The following DENND1B variants were observed in gnomAD, a reference collection of about 807,000 sequenced individuals.
DENND1B encodes DENN domain-containing protein 1B.
In DENND1B, 59 loss-of-function variants were observed where a neutral mutation model predicts 90.1. The ratio of observed to expected loss-of-function variants is 0.65; its 90% CI spans 0.53 to 0.81. DENND1B has a LOEUF of 0.81. DENND1B is among the 40% of genes least tolerant of loss of function. The pLI is 0.00. For synonymous variants in DENND1B, 337 were observed against 324.6 expected, an observed-to-expected ratio of 1.04 and a Z score of -0.41; for missense variants, 862 against 912.6, an observed-to-expected ratio of 0.94 and a Z score of 0.71.
chr1:197,568,526 G>C (rs1672881821), intron 15 of DENND1B, among the ~76,000 whole-genome samples: 1 of 151,960 alleles, frequency 6.6e-6, no homozygotes, highest in Non-Finnish European at 1.5e-5. Context: ...AACCACAAAA[G>C]ACCTCAAATA....
rs370344623 is a variant in DENND1B, at chr1:197,595,290, G to A, written c.965C>T (p.Thr322Met). ...KNKLKKQSTATGDGVARAFLR... is the reference protein window; with the variant it reads ...KNKLKKQSTAMGDGVARAFLR... Reference sequence around the variant, plus strand: ...AAAGGCCCTAGCTACTCCATCACCCGTAGCTGTAGACTGCTTCTTCAGTTT... The same window carrying A: ...AAAGGCCCTAGCTACTCCATCACCCATAGCTGTAGACTGCTTCTTCAGTTT... Residue 322 changes from threonine (T) to methionine (M), a missense_variant, in exon 14 of 23, where the codon ACG becomes ATG. Thr to Met is a moderately conservative substitution (Grantham distance 81). Transcript: ENST00000620048. The A allele has an allele frequency of 6.4e-5, 104 of 1,613,244 alleles. No individual in the cohort carries two copies. In the African/African-American group the frequency reaches 8.9e-4, roughly 14 times the overall value.
chr1:197,553,068 G>A lies in DENND1B; in HGVS notation c.1194C>T (p.Phe398=). 2 of 1,556,422 alleles carry A rather than the reference G, an allele frequency of 1.3e-6. No homozygotes were observed. Among genetic ancestry groups the A allele is most frequent in the Non-Finnish European group, 1.7e-6 (2 of 1,158,134 alleles). ...TGATCTCTTCTTCAAATACATCAGA[G>A]AAACCCCTTCCTGCATTTAGTTTTG... ...RLAKLNAGRG[F]SDVFEEEITS... The change falls in exon 16 of 23, where the codon TTC becomes TTT. Residue 398 remains phenylalanine, a synonymous_variant. Transcript: ENST00000620048.
intron 3 of DENND1B, among the ~76,000 whole-genome samples, chr1:197,709,860 C>T (rs1052955885): frequency 1.4e-5 from 2 of 140,896 alleles, no homozygotes; most frequent in Non-Finnish European, 3.0e-5. Flanking sequence ...CACACATAGG[C>T]TCAAAATAAA....
At chr1:197,724,955 GA>G (rs1381967801) in intron 2 of DENND1B, among the ~76,000 whole-genome samples, 6 of 151,854 alleles carry the variant, frequency 4.0e-5, no homozygotes, top group Admixed American at 3.9e-4. Context: ...AAGAGGTTAA[GA>G]AAAATGGAGA....
chr1:197,545,052 A>AAGGAGAATGAGAAGG (rs77114737), intron 18 of DENND1B, among the ~76,000 whole-genome samples: 1 of 124,846 alleles, frequency 8.0e-6, no homozygotes, highest in South Asian at 3.1e-4. Context: ...GGAGAAGGAG[A>AAGGAGAATGAGAAGG]AGAAGAAGAA....
intron 10 of DENND1B, among the ~76,000 whole-genome samples, chr1:197,633,689 T>C (rs1406219345): frequency 6.6e-6 from 1 of 152,118 alleles, no homozygotes; most frequent in African/African-American, 2.4e-5. Context: ...TCCCCTACCT[T>C]ATAGCAGAGT....
intron 15 of DENND1B, among the ~76,000 whole-genome samples, chr1:197,563,370 C>T (rs1037746015): frequency 6.6e-6 from 1 of 151,920 alleles, no homozygotes; most frequent in African/African-American, 2.4e-5. Flanking sequence ...AGCCAATGCT[C>T]ATTTGCCATT....
chr1:197,652,358 C>A lies in DENND1B; in HGVS notation c.367-43G>T, dbSNP rs771636498. 3 of 1,458,322 alleles carry A rather than the reference C, an allele frequency of 2.1e-6. No homozygotes were observed. In the South Asian group the frequency reaches 3.7e-5, roughly 18 times the overall value. 90.3% of individuals were successfully genotyped at this position (1,458,322 alleles called of 1,614,324 possible). A position where few individuals can be genotyped will look rare whatever the true frequency, so the allele number is the denominator to read the frequency against. Reference sequence around the variant, plus strand: ...GTACATTTTATAAATAAAACATATACCAAGCAACTGCAATTAAAACTATTT... The same window carrying A: ...GTACATTTTATAAATAAAACATATAACAAGCAACTGCAATTAAAACTATTT... On this transcript the variant is annotated intron_variant, in intron 6 of 22. Transcript: ENST00000620048.
intron 3 of DENND1B, among the ~76,000 whole-genome samples, chr1:197,703,202 G>A (rs1339438893): frequency 1.3e-5 from 2 of 151,788 alleles, no homozygotes; most frequent in African/African-American, 2.4e-5. Context: ...GGCCAGGTTG[G>A]TCTCAAACTC....
chr1:197,522,166 T>C (rs1249558021), intron 20 of DENND1B, among the ~76,000 whole-genome samples: 5 of 152,052 alleles, frequency 3.3e-5, no homozygotes, highest in African/African-American at 1.2e-4. Flanking sequence ...GTAGGTGAGA[T>C]GTCAGGATGA....
At chr1:197,644,969 G>A (rs184172262) in intron 9 of DENND1B, among the ~76,000 whole-genome samples, 3 of 152,124 alleles carry the variant, frequency 2.0e-5, no homozygotes, top group East Asian at 1.9e-4. Context: ...GAAAAATTAC[G>A]TAAGGGAATA....
intron 2 of DENND1B, among the ~76,000 whole-genome samples, chr1:197,757,805 G>C (rs1397844055): frequency 6.6e-6 from 1 of 152,144 alleles, no homozygotes; most frequent in East Asian, 1.9e-4. Context: ...TCATTCAGAA[G>C]TTGCAATACT....
chr1:197,746,951 C>A, intron 2 of DENND1B: 1 of 1,278,498 alleles, frequency 7.8e-7, no homozygotes, highest in Non-Finnish European at 1.1e-6. Flanking sequence ...TCAGTCTTCT[C>A]AATATTCCAC....
At chr1:197,704,206 T>C (rs1379643336) in intron 3 of DENND1B, among the ~76,000 whole-genome samples, 1 of 152,124 alleles carries the variant, frequency 6.6e-6, no homozygotes, top group Admixed American at 6.6e-5. Context: ...GAGCCAGTCA[T>C]GAGGGCACTA....
At chr1:197,684,731 T>C (rs547885678) in intron 3 of DENND1B, among the ~76,000 whole-genome samples, 45 of 152,334 alleles carry the variant, frequency 3.0e-4, no homozygotes, top group African/African-American at 1.1e-3. Flanking sequence ...AAAACATATA[T>C]TTAACTCTTT....
chr1:197,706,330 G>C (rs1659533770), intron 3 of DENND1B, among the ~76,000 whole-genome samples: 1 of 152,080 alleles, frequency 6.6e-6, no homozygotes, highest in Admixed American at 6.6e-5. Flanking sequence ...GAAGCTAGTA[G>C]GACAAAACAT....
chr1:197,534,315 G>C (rs898138815), intron 20 of DENND1B, among the ~76,000 whole-genome samples: 1 of 152,048 alleles, frequency 6.6e-6, no homozygotes, highest in East Asian at 1.9e-4. Context: ...CTTTGAGAGA[G>C]GTATTAATGA....
chr1:197,528,734 C>A (rs1433034193), intron 20 of DENND1B, among the ~76,000 whole-genome samples: 2 of 150,898 alleles, frequency 1.3e-5, no homozygotes, highest in Admixed American at 1.3e-4. Context: ...GTGGCGGGCG[C>A]CTGTAGTCCC....
At chr1:197,763,134 G>A (rs180855389) in intron 2 of DENND1B, among the ~76,000 whole-genome samples, 1 of 152,090 alleles carries the variant, frequency 6.6e-6, no homozygotes, top group Non-Finnish European at 1.5e-5. Flanking sequence ...AACAGAGTGA[G>A]ACCCCATCTG....
Sources: gnomAD v4.1 joint callset for allele counts (sites outside exome capture counted in the v4.1 genomes callset) on GRCh38, gnomAD v4.1.1 for gene constraint, MANE v1.5 for transcripts, NCBI Gene and HGNC (gene_info 2026-07-23, HGNC 2026-07-21) for gene names.